The following TFIP11 variants were observed in gnomAD, a reference collection of about 807,000 sequenced individuals.
TFIP11 encodes the protein tuftelin interacting protein 11.
In TFIP11, 86 loss-of-function variants were observed where a neutral mutation model predicts 96.8. That is an observed-to-expected ratio of 0.89 (90% CI 0.75 to 1.06). TFIP11 has a LOEUF of 1.06. TFIP11 is among the 50% of genes least tolerant of loss of function. The probability of loss-of-function intolerance (pLI) is 0.00; values close to 1 mark genes in which losing one functional copy is unlikely to be tolerated. For missense variants in TFIP11, 881 were observed against 1,076.7 expected (o/e 0.82, Z 2.54); for synonymous variants, 405 against 395.2 (o/e 1.02, Z -0.29).
intron 14 of TFIP11, chr22:26,493,412 G>A (rs1921479351): frequency 6.6e-6 from 1 of 152,278 alleles, no homozygotes; most frequent in Non-Finnish European, 1.5e-5. Context: ...ACCTTGAACA[G>A]GCTCTCAGCC....
chr22:26,495,583 T>C (rs562372506), intron 12 of TFIP11, among the ~76,000 whole-genome samples: 1 of 70,082 alleles, frequency 1.4e-5, no homozygotes, highest in African/African-American at 4.0e-5. Flanking sequence ...TATGTGTGTG[T>C]GTGTATACAT....
At chr22:26,503,899 T>A (rs1342358135) in intron 6 of TFIP11, 106 bp from the exon 7 acceptor site, 7 of 1,424,238 alleles carry the variant, frequency 4.9e-6, no homozygotes, top group Non-Finnish European at 6.7e-6. Flanking sequence ...TTCCACAAAA[T>A]AACATGCTAC....
At chr22:26,496,403 T>C in intron 11 of TFIP11, 87 bp from the exon 12 acceptor site, 1 of 1,496,216 alleles carries the variant, frequency 6.7e-7, no homozygotes, top group Non-Finnish European at 8.9e-7. Flanking sequence ...GAGCTGCCCC[T>C]GGAGGAGGCC....
chr22:26,496,002 C>T (rs1921975024), intron 12 of TFIP11, 71 bp downstream of exon 12: 14 of 1,558,742 alleles, frequency 9.0e-6, no homozygotes, highest in Non-Finnish European at 1.2e-5. Flanking sequence ...TGCTTTAAAT[C>T]ATCACTGCTA....
At chr22:26,502,660 A>G (rs374642245) in intron 7 of TFIP11, among the ~76,000 whole-genome samples, 76 of 152,310 alleles carry the variant, frequency 5.0e-4, no homozygotes, top group African/African-American at 1.7e-3. Flanking sequence ...GGTTGTCACT[A>G]TGTTTTTCTC....
chr22:26,511,546 G>A (rs1222833306), intron 2 of TFIP11: 1 of 152,186 alleles, frequency 6.6e-6, no homozygotes, highest in East Asian at 1.9e-4. Context: ...AATCAGGCAG[G>A]CTAAAATCGA....
intron 6 of TFIP11, among the ~76,000 whole-genome samples, chr22:26,505,245 G>A (rs1923255500): frequency 6.6e-6 from 1 of 152,148 alleles, no homozygotes; most frequent in Non-Finnish European, 1.5e-5. Context: ...TTGGTCTCAA[G>A]AAGGTAAGAG....
Position 26,496,167 on chromosome 22 carries a change from G to A in TFIP11, c.1755C>T (p.Asp585=). 6.2e-7 allele frequency: 1 copy of A among 1,613,964 alleles called. No individual in the cohort carries two copies. Among genetic ancestry groups the A allele is most frequent in the South Asian group, 1.1e-5 (1 of 91,078 alleles). Residue 585 remains aspartate, a synonymous_variant, in exon 12 of 15, where the codon GAC becomes GAT. Transcript: ENST00000407690. ...SSALQKWHPS[D]SSAKLILQPW... ...GCTGGAGGATGAGCTTGGCAGAGGA[G>A]TCGCTGGGGTGCCACTTCTGCAGGG...
intron 7 of TFIP11, among the ~76,000 whole-genome samples, chr22:26,503,371 C>T (rs981026578): frequency 7.2e-5 from 11 of 152,186 alleles, no homozygotes; most frequent in African/African-American, 2.4e-4. Context: ...GTTTCCCTGA[C>T]CAGCCTATTT....
intron 11 of TFIP11, 51 bp downstream of exon 11, chr22:26,496,670 C>CAAGT: frequency 6.3e-7 from 1 of 1,596,824 alleles, no homozygotes; most frequent in Non-Finnish European, 8.6e-7. Context: ...ACAGACTGAA[C>CAAGT]AAGTCCCTGT....
rs569185412 is a variant in TFIP11 at position 26,499,487 on chromosome 22, C to T, written c.946G>A (p.Ala316Thr). The T allele has an allele frequency of 2.7e-5, 44 of 1,614,184 alleles. No homozygotes were observed. The highest frequency in any genetic ancestry group is 1.3e-4 in the African/African-American group (10 of 75,072). The change falls in exon 9 of 15, where the codon GCG becomes ACG. Residue 316 changes from alanine (A) to threonine (T), a missense_variant. Coordinates refer to ENST00000407690, the MANE Select transcript of TFIP11 (RefSeq NM_012143.4). ...AGGTTGTGCTCCAGCTCGGGCAGCGCGAAGCCGGGGGCCTTGGCCTCTTTG... is the reference window on the plus strand; with the variant it reads ...AGGTTGTGCTCCAGCTCGGGCAGCGTGAAGCCGGGGGCCTTGGCCTCTTTG... ...SGKEAKAPGFALPELEHNLQL... is the reference protein window; with the variant it reads ...SGKEAKAPGFTLPELEHNLQL...
chr22:26,510,015 C>T (rs1923857223), intron 4 of TFIP11, 49 bp downstream of exon 4: 2 of 1,593,802 alleles, frequency 1.3e-6, no homozygotes, highest in Non-Finnish European at 8.6e-7. Context: ...TGTCCATCTT[C>T]CCCCTCTTCC....
chr22:26,494,018 A>G (rs999033755), intron 14 of TFIP11, 121 bp downstream of exon 14: 2 of 1,161,948 alleles, frequency 1.7e-6, no homozygotes, highest in Non-Finnish European at 2.4e-6. Flanking sequence ...TGCTATGTGC[A>G]AAAGTGTGAC....
Position 26,494,863 on chromosome 22 carries a change from T to C in TFIP11, c.1926A>G (p.Glu642=). 3 of 1,614,198 alleles carry C rather than the reference T, an allele frequency of 1.9e-6. No homozygotes were observed. The South Asian group carries it at 3.3e-5, about 18-fold the overall frequency. The change falls in exon 13 of 15, where the codon GAA becomes GAG. Residue 642 remains glutamate, a synonymous_variant. Transcript: ENST00000407690. ...MDAFYWVIDW[E]GMISVSSLVG... is the part of the protein sequence containing the mutation. ...CCAGGCTAGAGACAGAGATCATCCC[T>C]TCCCAGTCAATCACCCAATAGAATG...
chr22:26,504,547 C>A (rs1313724858), intron 6 of TFIP11, among the ~76,000 whole-genome samples: 1 of 151,860 alleles, frequency 6.6e-6, no homozygotes, highest in Non-Finnish European at 1.5e-5. Flanking sequence ...CCAGGCACAG[C>A]AGAGTGTGCC....
At chr22:26,502,180 G>A in intron 7 of TFIP11, 128 bp from the exon 8 acceptor site, 1 of 1,176,704 alleles carries the variant, frequency 8.5e-7, no homozygotes, top group Non-Finnish European at 1.2e-6. Context: ...CTATATGAAG[G>A]AAGGAAAGGA....
chr22:26,507,959 T>C (rs1374506152), intron 4 of TFIP11, among the ~76,000 whole-genome samples: 1 of 151,976 alleles, frequency 6.6e-6, no homozygotes, highest in African/African-American at 2.4e-5. Context: ...TACAAAAAAC[T>C]AGCTGAGTGT....
intron 6 of TFIP11, 139 bp downstream of exon 6, chr22:26,506,164 C>T (rs1055475689): frequency 2.5e-5 from 21 of 842,724 alleles, no homozygotes; most frequent in South Asian, 5.2e-5. Context: ...AGCTTAGGAA[C>T]GCAAATGTCT....
At chr22:26,499,067 G>A (rs766741342) in intron 9 of TFIP11, 37 bp downstream of exon 9, 25 of 1,600,840 alleles carry the variant, frequency 1.6e-5, no homozygotes, top group South Asian at 2.2e-5. Flanking sequence ...AAGCCCAACC[G>A]AGAGGCAGGG....
Sources: allele counts gnomAD v4.1 joint callset (sites outside exome capture counted in the v4.1 genomes callset), GRCh38; gene constraint gnomAD v4.1.1; transcripts MANE v1.5; gene names NCBI Gene and HGNC (gene_info 2026-07-23, HGNC 2026-07-21).